The following NEMP2 variants were observed in gnomAD, a reference collection of about 807,000 sequenced individuals.
NEMP2 encodes the protein nuclear envelope integral membrane protein 2, also known as UPF0571 transmembrane protein.
A neutral mutation model predicts 54.2 loss-of-function variants in NEMP2; 53 were observed. The observed-to-expected ratio is 0.98, with a 90% CI of 0.78 to 1.23. The LOEUF (loss-of-function observed/expected upper bound fraction) is 1.23, where lower values mean the gene tolerates loss of function less well. Among genes scored for constraint, NEMP2 ranks in the 50% most tolerant of loss-of-function variants. The pLI, the probability that NEMP2 is intolerant of heterozygous loss-of-function variation, is 0.00. For missense variants in NEMP2, 455 were observed against 511.3 expected, an observed-to-expected ratio of 0.89 and a Z score of 1.06; for synonymous variants, 197 against 190.3, an observed-to-expected ratio of 1.04 and a Z score of -0.29.
At chr2:190,543,650 T>C in the NEMP2 span, among the ~76,000 whole-genome samples, 1 of 152,154 alleles carries the variant, frequency 6.6e-6, no homozygotes, top group South Asian at 2.1e-4. This position sits in a 1 kb window ranked among gnomAD's most constrained non-coding sequence, Gnocchi z 4.7. Flanking sequence ...CATCCTCCTA[T>C]TGGAGTTCAG....
At chr2:190,426,968 G>A in the NEMP2 span, among the ~76,000 whole-genome samples, 1 of 152,180 alleles carries the variant, frequency 6.6e-6, no homozygotes, top group Non-Finnish European at 1.5e-5. The surrounding 1 kb of genome is among the most constrained non-coding windows in gnomAD (Gnocchi z 4.7). Flanking sequence ...GATACCTGAA[G>A]GTGAAAGACT....
At chr2:190,551,668 C>T in the NEMP2 span, among the ~76,000 whole-genome samples, 1 of 152,022 alleles carries the variant, frequency 6.6e-6, no homozygotes, top group African/African-American at 2.4e-5. Context: ...GATTTTTCTG[C>T]TCATTTTTTC....
At chr2:190,421,606 C>G in the NEMP2 span, among the ~76,000 whole-genome samples, 1 of 152,204 alleles carries the variant, frequency 6.6e-6, no homozygotes, top group South Asian at 2.1e-4. Context: ...TTATTTGAGA[C>G]AGTTCTCACC....
chr2:190,633,382 T>C, the NEMP2 span, among the ~76,000 whole-genome samples: 1 of 151,526 alleles, frequency 6.6e-6, no homozygotes, highest in South Asian at 2.1e-4. Flanking sequence ...GGCGCGATCT[T>C]GGCTCACTGC....
At chr2:190,441,712 ACT>A in the NEMP2 span, among the ~76,000 whole-genome samples, 3 of 151,274 alleles carry the variant, frequency 2.0e-5, no homozygotes, top group African/African-American at 7.3e-5. Context: ...CGCTTCCCAG[ACT>A]CTCAGCCTTG....
the NEMP2 span, chr2:190,436,159 A>G: frequency 1.9e-6 from 3 of 1,614,002 alleles, no homozygotes; most frequent in Non-Finnish European, 2.5e-6. The surrounding 1 kb of genome is among the most constrained non-coding windows in gnomAD (Gnocchi z 5.3). Flanking sequence ...ACCTTCCTCC[A>G]CAGAAACATC....
At chr2:190,438,822 C>T in the NEMP2 span, among the ~76,000 whole-genome samples, 1 of 152,182 alleles carries the variant, frequency 6.6e-6, no homozygotes, top group Non-Finnish European at 1.5e-5. The surrounding 1 kb of genome is among the most constrained non-coding windows in gnomAD (Gnocchi z 5.2). Context: ...TTTCTATTAA[C>T]TGAAGAAAAT....
At chr2:190,584,102 G>T in the NEMP2 span, among the ~76,000 whole-genome samples, 1 of 152,116 alleles carries the variant, frequency 6.6e-6, no homozygotes, top group Admixed American at 6.5e-5. The surrounding 1 kb of genome is among the most constrained non-coding windows in gnomAD (Gnocchi z 4.2). Flanking sequence ...CTTGTTAAAA[G>T]TGCAACTTTG....
chr2:190,602,255 C>G, the NEMP2 span, among the ~76,000 whole-genome samples: 1 of 152,142 alleles, frequency 6.6e-6, no homozygotes, highest in Non-Finnish European at 1.5e-5. Context: ...GGCTGGCAGG[C>G]CGGAAATTCA....
At chr2:190,488,749 C>T in the NEMP2 span, 1 of 1,610,514 alleles carries the variant, frequency 6.2e-7, no homozygotes, top group Non-Finnish European at 8.5e-7. The surrounding 1 kb of genome is among the most constrained non-coding windows in gnomAD (Gnocchi z 6.4). Context: ...GGGCATCCTG[C>T]AGGGCCTTCA....
the NEMP2 span, among the ~76,000 whole-genome samples, chr2:190,566,620 G>C: frequency 7.7e-6 from 1 of 129,744 alleles, no homozygotes. Flanking sequence ...AAATAAAAAA[G>C]AAAGGAAGGG....
chr2:190,498,391 C>T, the NEMP2 span, among the ~76,000 whole-genome samples: 5 of 152,110 alleles, frequency 3.3e-5, no homozygotes, highest in Admixed American at 2.6e-4. The surrounding 1 kb of genome is among the most constrained non-coding windows in gnomAD (Gnocchi z 5.9). Context: ...TGATAAGTCA[C>T]GTCAGCTTTG....
chr2:190,437,573 C>A, the NEMP2 span: 2 of 1,601,970 alleles, frequency 1.2e-6, no homozygotes, highest in African/African-American at 2.7e-5. This position sits in a 1 kb window ranked among gnomAD's most constrained non-coding sequence, Gnocchi z 5.9. Context: ...TAAGAACATG[C>A]TTACGATTGC....
At chr2:190,604,260 G>C in the NEMP2 span, among the ~76,000 whole-genome samples, 24,664 of 152,032 alleles carry the variant, frequency 0.16, 2,074 homozygotes, top group East Asian at 0.28. The surrounding 1 kb of genome is among the most constrained non-coding windows in gnomAD (Gnocchi z 4.5). Context: ...TCCGTTTGAG[G>C]GTGACTAGAG....
downstream of NEMP2, chr2:190,500,192 G>C (rs763412616): frequency 9.3e-6 from 15 of 1,614,024 alleles, no homozygotes; most frequent in East Asian, 2.2e-5. The surrounding 1 kb of genome is among the most constrained non-coding windows in gnomAD (Gnocchi z 5.3). Flanking sequence ...AGAGCAGCAG[G>C]CTCAGCTGGC....
chr2:190,598,248 C>T, the NEMP2 span, among the ~76,000 whole-genome samples: 1 of 152,096 alleles, frequency 6.6e-6, no homozygotes, highest in Non-Finnish European at 1.5e-5. Context: ...GAGATGAAGA[C>T]CTTTAGTGAG....
chr2:190,436,706 TGCAGCCCCA>T, the NEMP2 span: 1 of 1,614,252 alleles, frequency 6.2e-7, no homozygotes, highest in Non-Finnish European at 8.5e-7. This position sits in a 1 kb window ranked among gnomAD's most constrained non-coding sequence, Gnocchi z 5.3. Flanking sequence ...GAACCCACTC[TGCAGCCCCA>T]GACAGGTGAA....
At chr2:190,583,523 T>C in the NEMP2 span, among the ~76,000 whole-genome samples, 35,292 of 152,182 alleles carry the variant, frequency 0.23, 5,221 homozygotes, top group Non-Finnish European at 0.33. Context: ...ATTTGGATTA[T>C]ACTGGGACTT....
chr2:190,489,459 A>G, the NEMP2 span, among the ~76,000 whole-genome samples: 1 of 152,182 alleles, frequency 6.6e-6, no homozygotes, highest in Non-Finnish European at 1.5e-5. The surrounding 1 kb of genome is among the most constrained non-coding windows in gnomAD (Gnocchi z 6.6). Flanking sequence ...AATTGGGTAA[A>G]TGGTCTTTTC....
Sources: allele counts gnomAD v4.1 joint callset (sites outside exome capture counted in the v4.1 genomes callset), GRCh38; gene constraint gnomAD v4.1.1; non-coding constraint Gnocchi (gnomAD v3.1); transcripts MANE v1.5; gene names NCBI Gene and HGNC (gene_info 2026-07-23, HGNC 2026-07-21).